RALY: variants seen among roughly 807,000 people sequenced by gnomAD.
RALY encodes the protein RNA-binding protein Raly.
Under a neutral mutation model 30.7 loss-of-function variants are expected in RALY, and 15 were observed. That is an observed-to-expected ratio of 0.49 (90% confidence interval 0.33 to 0.75). The LOEUF (loss-of-function observed/expected upper bound fraction) is 0.75, where lower values mean the gene tolerates loss of function less well. Ranked by LOEUF, RALY falls within the 30% of genes least tolerant of loss-of-function variation. RALY has a pLI of 0.02. For missense variants in RALY, 339 were observed against 414.3 expected, an observed-to-expected ratio of 0.82 and a Z score of 1.58; for synonymous variants, 177 against 170.8, an observed-to-expected ratio of 1.04 and a Z score of -0.28.
chr20:34,012,595 G>A (rs953849996), intron 1 of RALY, among the ~76,000 whole-genome samples: 1 of 152,034 alleles, frequency 6.6e-6, no homozygotes, highest in African/African-American at 2.4e-5. Flanking sequence ...ACTGCAGTGC[G>A]CAGAGCTTGG....
chr20:34,012,691 T>C (rs2031453492), intron 1 of RALY, among the ~76,000 whole-genome samples: 1 of 152,174 alleles, frequency 6.6e-6, no homozygotes, highest in Admixed American at 6.6e-5. Context: ...ATCTTGAAAC[T>C]GTCCCCTCTT....
chr20:34,055,867 T>C (rs978754044), intron 2 of RALY, among the ~76,000 whole-genome samples: 5 of 152,222 alleles, frequency 3.3e-5, no homozygotes, highest in Non-Finnish European at 7.3e-5. Context: ...ATGGGCACTA[T>C]TGGTGCTTCC....
At chr20:34,013,445 G>A (rs1306762563) in intron 1 of RALY, among the ~76,000 whole-genome samples, 2 of 146,974 alleles carry the variant, frequency 1.4e-5, no homozygotes. Flanking sequence ...AAGGCATTTC[G>A]ACTTACAGTA....
intron 2 of RALY, among the ~76,000 whole-genome samples, chr20:34,057,464 G>A (rs954716105): frequency 1.3e-5 from 2 of 152,054 alleles, no homozygotes; most frequent in Non-Finnish European, 2.9e-5. Flanking sequence ...TCAGGAGATC[G>A]AGACCATCCT....
chr20:33,997,951 A>C (rs1035066976), intron 1 of RALY, among the ~76,000 whole-genome samples: 3 of 152,238 alleles, frequency 2.0e-5, no homozygotes, highest in African/African-American at 4.8e-5. Flanking sequence ...AGTTCAAACA[A>C]ATATGACCCA....
At chr20:34,079,462 A>G (rs2033984429) in intron 9 of RALY, among the ~76,000 whole-genome samples, 1 of 152,182 alleles carries the variant, frequency 6.6e-6, no homozygotes, top group South Asian at 2.1e-4. Context: ...GAAGGTCTCA[A>G]ACACTAGTGT....
At chr20:34,037,794 A>AT (rs2032554363) in intron 2 of RALY, among the ~76,000 whole-genome samples, 1 of 152,170 alleles carries the variant, frequency 6.6e-6, no homozygotes, top group East Asian at 1.9e-4. Flanking sequence ...GCAGTGCATC[A>AT]TTGTCCTTCA....
chr20:34,027,416 C>T (rs1043505170), intron 1 of RALY, among the ~76,000 whole-genome samples: 2 of 152,200 alleles, frequency 1.3e-5, no homozygotes, highest in Non-Finnish European at 2.9e-5. Flanking sequence ...GTGCCTGAGG[C>T]ATAGTAGCAG....
chr20:34,069,404 A>G (rs2033664874), intron 2 of RALY, among the ~76,000 whole-genome samples: 1 of 152,092 alleles, frequency 6.6e-6, no homozygotes, highest in Non-Finnish European at 1.5e-5. Context: ...CTGTTCAGCA[A>G]ATGCTTCCTG....
chr20:34,024,935 CT>C (rs1226195402), intron 1 of RALY, among the ~76,000 whole-genome samples: 1 of 152,138 alleles, frequency 6.6e-6, no homozygotes, highest in Non-Finnish European at 1.5e-5. Flanking sequence ...ATAAGCAAGC[CT>C]TACAGAAGGG....
chr20:34,056,819 G>T (rs2033259293), intron 2 of RALY, among the ~76,000 whole-genome samples: 1 of 152,228 alleles, frequency 6.6e-6, no homozygotes, highest in South Asian at 2.1e-4. Context: ...ATTCATTGGA[G>T]ATAACAGTGT....
intron 1 of RALY, among the ~76,000 whole-genome samples, chr20:34,023,291 T>C (rs925905559): frequency 4.6e-5 from 7 of 152,204 alleles, no homozygotes; most frequent in Non-Finnish European, 2.9e-5. Context: ...TCATTGTGGA[T>C]ACAGGAAAAC....
At chr20:34,016,107 A>G (rs1419384609) in intron 1 of RALY, among the ~76,000 whole-genome samples, 1 of 152,244 alleles carries the variant, frequency 6.6e-6, no homozygotes, top group South Asian at 2.1e-4. Context: ...ACATGCCCAC[A>G]TAATCTCTGC....
In RALY at chr20:34,083,764, G is replaced by C. The variant is rs1013402337; in HGVS notation, c.*3859G>C. On this transcript the variant is annotated 3_prime_UTR_variant, in exon 10 of 10. Coordinates refer to ENST00000246194, the MANE Select transcript of RALY (RefSeq NM_016732.3). The stretch of plus-strand genomic sequence containing the variant: ...CCGTAAGGTCATAACCTGCCCCATA[G>C]GATGTTATATGCAGTAGGCCTGTCT... 6.6e-6 allele frequency: 1 copy of C among 152,244 alleles called. No individual in the cohort carries two copies. The highest frequency in any genetic ancestry group is 1.5e-5 in the Non-Finnish European group (1 of 68,058). The allele number at this position is 152,244 out of a possible 1,614,324, so 9.4% of individuals were successfully genotyped here. A position where few individuals can be genotyped will look rare whatever the true frequency, so the allele number is the denominator to read the frequency against.
At chr20:34,008,328 G>A (rs1202029615) in intron 1 of RALY, among the ~76,000 whole-genome samples, 1 of 152,172 alleles carries the variant, frequency 6.6e-6, no homozygotes, top group Non-Finnish European at 1.5e-5. Context: ...GAAGCATGGG[G>A]AATGCCATCC....
At chr20:34,046,671 A>G (rs2032890288) in intron 2 of RALY, among the ~76,000 whole-genome samples, 1 of 152,160 alleles carries the variant, frequency 6.6e-6, no homozygotes, top group Non-Finnish European at 1.5e-5. Flanking sequence ...TTTAAAAAGC[A>G]CTGATCTCAT....
At chr20:34,060,503 C>A (rs748727981) in intron 2 of RALY, among the ~76,000 whole-genome samples, 2 of 152,220 alleles carry the variant, frequency 1.3e-5, no homozygotes, top group Non-Finnish European at 2.9e-5. Context: ...ATGTGCTGGA[C>A]ACTATTCTGA....
chr20:34,025,925 G>C (rs1201811605), intron 1 of RALY, among the ~76,000 whole-genome samples: 1 of 92,562 alleles, frequency 1.1e-5, no homozygotes, highest in Non-Finnish European at 2.5e-5. Flanking sequence ...TTTTTTTGTG[G>C]GGGGTGGGGA....
intron 2 of RALY, among the ~76,000 whole-genome samples, chr20:34,045,488 C>CA (rs1171042082): frequency 6.6e-6 from 1 of 152,060 alleles, no homozygotes. Flanking sequence ...GGAGAGTGGG[C>CA]AGCTGAGGCC....
Sources: allele counts gnomAD v4.1 joint callset (sites outside exome capture counted in the v4.1 genomes callset), GRCh38; gene constraint gnomAD v4.1.1; transcripts MANE v1.5; gene names NCBI Gene and HGNC (gene_info 2026-07-23, HGNC 2026-07-21).